ANK2: variants seen among roughly 807,000 people sequenced by gnomAD.
ANK2 encodes ankyrin-2.
In ANK2, 83 loss-of-function variants were observed where a neutral mutation model predicts 360.5. That is an observed-to-expected ratio of 0.23 (90% CI 0.19 to 0.28). The LOEUF (loss-of-function observed/expected upper bound fraction) is 0.28. Ranked by LOEUF, ANK2 falls within the 10% of genes least tolerant of loss-of-function variation. The pLI is 1.00. For missense variants in ANK2, 4,201 were observed against 4,795.7 expected (o/e 0.88, Z 3.66); for synonymous variants, 1,740 against 1,759.5 (o/e 0.99, Z 0.28).
chr4:113,340,435 G>A (rs1266578270), intron 32 of ANK2, among the ~76,000 whole-genome samples: 1 of 152,202 alleles, frequency 6.6e-6, no homozygotes, highest in Non-Finnish European at 1.5e-5. Context: ...GCTCATGCCT[G>A]TAATCCCAGC....
chr4:113,010,273 C>T lies in ANK2; in HGVS notation c.21+105759C>T, dbSNP rs142728728. Among the ~76,000 whole-genome samples the T allele has an allele frequency of 6.2e-3, 947 of 152,230 alleles. 12 individuals carry two copies. Among genetic ancestry groups the T allele is most frequent in the African/African-American group, 0.021 (860 of 41,544 alleles). ...CACTTAAAAATTGTTCTCTCTACTA[C>T]AAAACCAATATATTTCCCTCAAAGA... is the stretch of plus-strand genomic sequence containing the variant. On this transcript the variant is annotated intron_variant, in intron 2 of 30. Coordinates refer to the ANK2 transcript ENST00000503271.
intron 1 of ANK2, among the ~76,000 whole-genome samples, chr4:113,149,874 C>CAAAAAAAAAAAAAAAAAAAAAAAAAAA (rs34667216): frequency 4.5e-4 from 14 of 31,406 alleles, no homozygotes; most frequent in Middle Eastern, 0.026. Context: ...GACCCTGCCT[C>CAAAAAAAAAAAAAAAAAAAAAAAAAAA]AAAAAAAAAA....
At chr4:112,817,916 T>G (rs1222166071), upstream of ANK2, among the ~76,000 whole-genome samples, 2 of 152,274 alleles carry the variant, frequency 1.3e-5, no homozygotes, top group South Asian at 4.1e-4. Context: ...AAAAAAAATA[T>G]TTTGTGAGAA....
intron 2 of ANK2, among the ~76,000 whole-genome samples, chr4:112,946,531 A>C (rs2094555668): frequency 6.6e-6 from 1 of 152,252 alleles, no homozygotes; most frequent in Non-Finnish European, 1.5e-5. Flanking sequence ...GGGGAGAATT[A>C]GAAGGCAAAC....
chr4:112,712,607 C>A, the ANK2 span, among the ~76,000 whole-genome samples: 8 of 151,248 alleles, frequency 5.3e-5, no homozygotes, highest in African/African-American at 1.9e-4. Context: ...TGGGGTTTCA[C>A]CGTGTTAGCC....
At chr4:112,967,314 C>T (rs1372512946) in intron 2 of ANK2, among the ~76,000 whole-genome samples, 3 of 152,152 alleles carry the variant, frequency 2.0e-5, no homozygotes, top group African/African-American at 7.2e-5. Flanking sequence ...CTAAATCTTT[C>T]CTTTTACAAG....
chr4:113,092,700 A>G (rs2089047634), intron 1 of ANK2, among the ~76,000 whole-genome samples: 1 of 152,226 alleles, frequency 6.6e-6, no homozygotes, highest in Non-Finnish European at 1.5e-5. Context: ...AAATAGGGAT[A>G]TTAATAATAC....
Position 113,354,208 on chromosome 4 carries a change from GAA to G in ANK2, c.5592_5593del (p.Arg1865ThrfsTer9). On this transcript the variant is annotated frameshift_variant, in exon 38 of 46. Coordinates refer to ENST00000357077, the MANE Select transcript of ANK2 (RefSeq NM_001148.6). LOFTEE classifies it high-confidence loss of function. Reference protein sequence around the residue: ...HSPVSPSAKTERHSPASSSSK... With the variant: ...HSPVSPSAKTXRHSPASSSSK... The stretch of plus-strand genomic sequence containing the variant: ...ACCTGTGTCACCCTCTGCAAAAACG[GAA>G]AGACATTCACCTGCGTCATCATCGA... 6.2e-7 allele frequency: 1 copy of G among 1,613,946 alleles called. No homozygotes were observed. The highest frequency in any genetic ancestry group is 8.5e-7 in the Non-Finnish European group (1 of 1,179,930).
chr4:112,917,120 C>A (rs886924348), intron 2 of ANK2, among the ~76,000 whole-genome samples: 2 of 152,188 alleles, frequency 1.3e-5, no homozygotes, highest in Non-Finnish European at 2.9e-5. Context: ...CTAGACCTCA[C>A]GGTTTGTGGA....
intron 36 of ANK2, among the ~76,000 whole-genome samples, chr4:113,349,429 A>G (rs1410127117): frequency 6.6e-6 from 1 of 152,164 alleles, no homozygotes; most frequent in Non-Finnish European, 1.5e-5. Flanking sequence ...TATACCCACC[A>G]GCTTAAAATG....
intron 30 of ANK2, 93 bp from the exon 31 acceptor site, chr4:113,336,484 T>A: frequency 2.5e-6 from 3 of 1,220,876 alleles, no homozygotes; most frequent in South Asian, 2.9e-5. Flanking sequence ...AAAAAATACT[T>A]TGGGGAAGAA....
chr4:113,224,235 G>T (rs937347137), intron 4 of ANK2, among the ~76,000 whole-genome samples: 3 of 152,184 alleles, frequency 2.0e-5, no homozygotes, highest in Non-Finnish European at 4.4e-5. Flanking sequence ...GAATTTGCAG[G>T]TGTATGTTAA....
At chr4:112,717,827 T>A in the ANK2 span, among the ~76,000 whole-genome samples, 1 of 152,244 alleles carries the variant, frequency 6.6e-6, no homozygotes, top group African/African-American at 2.4e-5. Context: ...TGTACAAAAG[T>A]ACCAGGGCTA....
At chr4:112,709,603 G>T in the ANK2 span, among the ~76,000 whole-genome samples, 1 of 152,074 alleles carries the variant, frequency 6.6e-6, no homozygotes, top group Non-Finnish European at 1.5e-5. Context: ...ACAAAAATTA[G>T]CTGGGTGTGG....
chr4:113,359,987 T>G (rs1356811502), intron 38 of ANK2, among the ~76,000 whole-genome samples: 2 of 152,186 alleles, frequency 1.3e-5, no homozygotes, highest in African/African-American at 2.4e-5. Flanking sequence ...GAGGGGATGA[T>G]GGCTCTTTGA....
At chr4:112,840,445 G>A (rs2061849366) in intron 1 of ANK2, among the ~76,000 whole-genome samples, 1 of 152,156 alleles carries the variant, frequency 6.6e-6, no homozygotes, top group African/African-American at 2.4e-5. Context: ...CTAGAATGGT[G>A]CAAATTCTGT....
At chr4:113,153,798 G>A (rs957183211) in intron 1 of ANK2, among the ~76,000 whole-genome samples, 2 of 152,178 alleles carry the variant, frequency 1.3e-5, no homozygotes, top group African/African-American at 4.8e-5. Flanking sequence ...GATGTAGATG[G>A]CTGAGCTTTA....
chr4:113,006,921 T>G (rs2154290128), intron 2 of ANK2, among the ~76,000 whole-genome samples: 1 of 152,256 alleles, frequency 6.6e-6, no homozygotes, highest in Admixed American at 6.5e-5. Context: ...TCTGAAAATT[T>G]TGTACTTTAA....
intron 14 of ANK2, among the ~76,000 whole-genome samples, chr4:113,269,338 T>C (rs943620521): frequency 3.3e-5 from 5 of 152,200 alleles, no homozygotes; most frequent in African/African-American, 1.2e-4. Context: ...AAAACTCCTG[T>C]AGCTAGCTCA....
Sources: allele counts gnomAD v4.1 joint callset (sites outside exome capture counted in the v4.1 genomes callset), GRCh38; gene constraint gnomAD v4.1.1; transcripts MANE v1.5; gene names NCBI Gene and HGNC (gene_info 2026-07-23, HGNC 2026-07-21).